The following SYNE1 variants were observed in gnomAD, a reference collection of about 807,000 sequenced individuals.
SYNE1 encodes spectrin repeat containing nuclear envelope protein 1, also known as nesprin-1.
SYNE1 carries 616 observed loss-of-function variants against 1,111.0 expected under a neutral mutation model. The ratio of observed to expected loss-of-function variants is 0.55; its 90% CI spans 0.52 to 0.59. The LOEUF is 0.59. Among genes scored for constraint, SYNE1 ranks in the 20% least tolerant of loss-of-function variants. The pLI, the probability that SYNE1 is intolerant of heterozygous loss-of-function variation, is 0.00. For missense variants in SYNE1, 10,006 were observed against 10,417.0 expected (o/e 0.96, Z 1.72); for synonymous variants, 3,855 against 3,825.8 (o/e 1.01, Z -0.28).
At chr6:152,527,656 A>G (rs2099169651) in intron 4 of SYNE1, among the ~76,000 whole-genome samples, 1 of 152,228 alleles carries the variant, frequency 6.6e-6, no homozygotes, top group African/African-American at 2.4e-5. Context: ...CAAAACAATG[A>G]GGAACAAGTT....
At chr6:152,592,736 T>C (rs532832459) in intron 3 of SYNE1, among the ~76,000 whole-genome samples, 1 of 152,318 alleles carries the variant, frequency 6.6e-6, no homozygotes, top group Admixed American at 6.5e-5. Context: ...TCAAAGTCCT[T>C]CACTTGATAA....
intron 101 of SYNE1, among the ~76,000 whole-genome samples, chr6:152,261,396 G>A (rs1163133670): frequency 6.6e-6 from 1 of 152,106 alleles, no homozygotes; most frequent in African/African-American, 2.4e-5. Context: ...TTAGAGTGAA[G>A]TAATAGCCAT....
intron 137 of SYNE1, 79 bp downstream of exon 137, chr6:152,147,966 T>A: frequency 8.3e-7 from 1 of 1,203,184 alleles, no homozygotes; most frequent in Non-Finnish European, 1.2e-6. Flanking sequence ...TGATTCTGGA[T>A]AGCTGTCATG....
rs144470036 is a variant in SYNE1 at position 152,635,639 on chromosome 6, T to C, written c.-224+999A>G. On this transcript the variant is annotated intron_variant, in intron 2 of 145. Transcript: ENST00000367255. ...CTTTCTCTTGCATAGGTCTGGCTTC[T>C]GTATACGAATGTTGTCTTTAGGAAA... Among the ~76,000 whole-genome samples the C allele has an allele frequency of 1.6e-3, 244 of 152,346 alleles. 1 individual carries two copies. Among genetic ancestry groups the C allele is most frequent in the African/African-American group, 5.7e-3 (237 of 41,572 alleles).
rs2090047225 is a variant in SYNE1, at chr6:152,253,817, GGTTTTTTTTTTTT to G, written c.19470+1050_19470+1062del. ...ATGCTACATTTATGTGTAGTGGTTT[GGTTTTTTTTTTTT>G]TTTTTTTTTTTTTTTTTTTTTTTTT... On this transcript the variant is annotated intron_variant, in intron 104 of 145. Coordinates refer to ENST00000367255, the MANE Select transcript of SYNE1 (RefSeq NM_182961.4). Among the ~76,000 whole-genome samples the G allele has an allele frequency of 2.2e-4, 13 of 59,154 alleles. 2 individuals carry two copies. The highest frequency in any genetic ancestry group is 8.1e-4 in the African/African-American group (10 of 12,356). 38.8% of individuals were successfully genotyped at this position (59,154 alleles called of 152,430 possible).
intron 58 of SYNE1, among the ~76,000 whole-genome samples, chr6:152,375,715 T>C (rs2097268095): frequency 6.6e-6 from 1 of 152,228 alleles, no homozygotes; most frequent in Admixed American, 6.5e-5. Context: ...GTAACAAATT[T>C]ACATACCTGA....
At position 152,192,062 on chromosome 6, in the gene SYNE1, C is replaced by A. The variant is rs2072585763; in HGVS notation, c.23146-2655G>T. Among the ~76,000 whole-genome samples the A allele has an allele frequency of 2.0e-5, 3 of 152,066 alleles. No individual in the cohort carries two copies. The South Asian group carries it at 6.2e-4, about 32-fold the overall frequency. On this transcript the variant is annotated intron_variant, in intron 127 of 145. Transcript: ENST00000367255. The stretch of plus-strand genomic sequence containing the variant: ...ATGTGTTTGTATAGTTTCCAAAATT[C>A]TTTTTACTATTGATTTCTAGTTTTA...
intron 130 of SYNE1, among the ~76,000 whole-genome samples, chr6:152,169,081 C>T (rs2153069774): frequency 6.6e-6 from 1 of 152,020 alleles, no homozygotes; most frequent in East Asian, 1.9e-4. Flanking sequence ...ATGCTGGATG[C>T]TTTACATCCT....
chr6:152,553,838 TA>T (rs1329565699), intron 3 of SYNE1, among the ~76,000 whole-genome samples: 7 of 152,278 alleles, frequency 4.6e-5, no homozygotes, highest in African/African-American at 1.7e-4. Context: ...TCTCAAGAAC[TA>T]AAAACTTTAA....
chr6:152,571,822 A>G (rs2099461145), intron 3 of SYNE1, among the ~76,000 whole-genome samples: 1 of 152,234 alleles, frequency 6.6e-6, no homozygotes, highest in Non-Finnish European at 1.5e-5. Flanking sequence ...AAAGAGTAAC[A>G]TGTAACTAAA....
intron 91 of SYNE1, among the ~76,000 whole-genome samples, chr6:152,304,403 C>T (rs372378648): frequency 2.6e-5 from 4 of 152,112 alleles, no homozygotes; most frequent in East Asian, 1.9e-4. Flanking sequence ...GGCGCAATCT[C>T]GGCTCACTGC....
At position 152,122,664 on chromosome 6, in the gene SYNE1, A is replaced by C. The variant is rs184861124; in HGVS notation, c.26166T>G (p.Gly8722=). The C allele has an allele frequency of 1.4e-5, 22 of 1,613,932 alleles. No homozygotes were observed. In the East Asian group the frequency reaches 4.0e-4, roughly 29 times the overall value. ...VSSPHSRSTK[G]GSDSSLSEPG... ...GCTCAGAAAGGGAGGAATCGGAGCC[A>C]CCTTTTGTGGACCTGAGAGAAGAAT... Residue 8722 remains glycine, a synonymous_variant, in exon 146 of 146, where the codon GGT becomes GGG. Coordinates refer to ENST00000367255, the MANE Select transcript of SYNE1 (RefSeq NM_182961.4).
chr6:152,582,390 A>G (rs1240845393), intron 3 of SYNE1, among the ~76,000 whole-genome samples: 1 of 151,818 alleles, frequency 6.6e-6, no homozygotes, highest in East Asian at 1.9e-4. Context: ...AGTCCCACTC[A>G]CCCCCTAAAA....
Position 152,433,866 on chromosome 6 carries a change from C to G in SYNE1, c.4390G>C (p.Glu1464Gln). ...AAGGCATTGAGTTCTTTTTCTTTCT[C>G]AGTTATCCAGACGGACAGAGTCTCA... ...NFETLSVWIT[E>Q]KEKELNALET... The change falls in exon 34 of 146, where the codon GAG (glutamate) becomes CAG (glutamine). Residue 1464 changes from glutamate to glutamine, a missense_variant. Around this residue, in one of 7 missense-constraint regions of SYNE1, gnomAD observed 1,971 missense variants for 2,084.1 expected, o/e 0.95. Transcript: ENST00000367255. The G allele has an allele frequency of 6.2e-7, 1 of 1,613,814 alleles. No individual in the cohort carries two copies. The highest frequency in any genetic ancestry group is 1.1e-5 in the South Asian group (1 of 91,076).
intron 51 of SYNE1, among the ~76,000 whole-genome samples, chr6:152,393,924 C>T (rs1322021802): frequency 6.6e-6 from 1 of 152,022 alleles, no homozygotes; most frequent in East Asian, 1.9e-4. Flanking sequence ...TTTGCTGCAC[C>T]CATCAACCTG....
At position 152,404,104 on chromosome 6, in the gene SYNE1, G is replaced by GAGATAT. The variant is rs1554635404; in HGVS notation, c.6825+108_6825+109insATATCT. 7.7e-5 allele frequency: 42 copies of GAGATAT among 544,894 alleles called. No homozygotes were observed. The East Asian group carries it at 1.7e-3, about 22-fold the overall frequency. The allele number at this position is 544,894 out of a possible 1,614,324, so 33.8% of individuals were successfully genotyped here. ...ATATATACGAGATATAGATATATGA[G>GAGATAT]ATATATATATATACACACACACACA... is the stretch of plus-strand genomic sequence containing the variant. On this transcript the variant is annotated intron_variant, in intron 46 of 145. Transcript: ENST00000367255.
intron 28 of SYNE1, 31 bp from the exon 29 acceptor site, chr6:152,447,653 A>G: frequency 6.2e-7 from 1 of 1,613,870 alleles, no homozygotes; most frequent in Non-Finnish European, 8.5e-7. Flanking sequence ...TGATGAACAC[A>G]GTGCAATTGT....
intron 3 of SYNE1, among the ~76,000 whole-genome samples, chr6:152,613,279 T>C (rs1417427088): frequency 6.6e-6 from 1 of 152,222 alleles, no homozygotes; most frequent in Non-Finnish European, 1.5e-5. Context: ...CTCCTTAAGC[T>C]GATAAGCAAC....
At position 152,510,187 on chromosome 6, in the gene SYNE1, A is replaced by C. The variant is rs936448591; in HGVS notation, c.581+6T>G. On this transcript the variant is annotated splice_donor_region_variant and intron_variant, in intron 8 of 145. Transcript: ENST00000367255. ...TTTCAAATTTAGACAAACTCTTGAT[A>C]CTTACTTGCCAGCTGTGTACTGAAC... is the stretch of plus-strand genomic sequence containing the variant. The C allele has an allele frequency of 6.2e-7, 1 of 1,613,818 alleles. No homozygotes were observed. Among genetic ancestry groups the C allele is most frequent in the African/African-American group, 1.3e-5 (1 of 75,040 alleles).
Sources: gnomAD v4.1 joint callset for allele counts (sites outside exome capture counted in the v4.1 genomes callset) on GRCh38, gnomAD v4.1.1 for gene constraint, gnomAD v4.1.1 regional missense constraint, MANE v1.5 for transcripts, NCBI Gene and HGNC (gene_info 2026-07-23, HGNC 2026-07-21) for gene names.